ARMH4: variants seen among roughly 807,000 people sequenced by gnomAD.
ARMH4 encodes armadillo-like helical domain-containing protein 4.
ARMH4 carries 49 observed loss-of-function variants against 61.9 expected under a neutral mutation model. The ratio of observed to expected loss-of-function variants is 0.79; its 90% CI spans 0.63 to 1.00. The LOEUF (loss-of-function observed/expected upper bound fraction) is 1.00, where lower values mean the gene tolerates loss of function less well. ARMH4 is among the 50% of genes least tolerant of loss of function. ARMH4 has a pLI of 0.00. For synonymous variants in ARMH4, 368 were observed against 341.5 expected (o/e 1.08, Z -0.85); for missense variants, 934 against 930.0 (o/e 1.00, Z -0.06).
intron 4 of ARMH4, among the ~76,000 whole-genome samples, chr14:58,102,813 G>A (rs1281754761): frequency 2.2e-3 from 161 of 74,558 alleles, no homozygotes; most frequent in Non-Finnish European, 3.0e-3. Context: ...GCGAGACTCC[G>A]TCTCAAAAAA....
chr14:58,093,738 G>A (rs1885652687), intron 5 of ARMH4, among the ~76,000 whole-genome samples: 1 of 152,020 alleles, frequency 6.6e-6, no homozygotes, highest in Admixed American at 6.6e-5. Context: ...GTCCTTCCGA[G>A]AAAAGGTTGG....
At chr14:58,081,065 G>A (rs1045439947) in intron 5 of ARMH4, among the ~76,000 whole-genome samples, 1 of 151,876 alleles carries the variant, frequency 6.6e-6, no homozygotes, top group East Asian at 1.9e-4. Flanking sequence ...TTGTGCCACT[G>A]TACTCCAGCC....
chr14:58,070,659 G>A (rs1165853231), intron 5 of ARMH4, among the ~76,000 whole-genome samples: 1 of 152,192 alleles, frequency 6.6e-6, no homozygotes, highest in Non-Finnish European at 1.5e-5. Flanking sequence ...GCACATTATG[G>A]AGAAGAATGG....
chr14:58,112,325 C>T (rs769668328), intron 4 of ARMH4, among the ~76,000 whole-genome samples: 6 of 140,096 alleles, frequency 4.3e-5, no homozygotes, highest in Admixed American at 6.9e-5. Flanking sequence ...TTCTATTTTC[C>T]CCCACTACTG....
intron 5 of ARMH4, among the ~76,000 whole-genome samples, chr14:58,071,905 G>T (rs899674412): frequency 6.6e-6 from 1 of 152,178 alleles, no homozygotes; most frequent in African/African-American, 2.4e-5. Flanking sequence ...AATGTCGGAT[G>T]GAGTAAAGGA....
chr14:58,009,854 T>G (rs1882331884), intron 6 of ARMH4, among the ~76,000 whole-genome samples: 1 of 148,474 alleles, frequency 6.7e-6, no homozygotes, highest in Non-Finnish European at 1.5e-5. Context: ...ATAACAAACT[T>G]CTATCTTGGC....
intron 5 of ARMH4, among the ~76,000 whole-genome samples, chr14:58,031,771 C>A (rs923748087): frequency 1.3e-5 from 2 of 152,186 alleles, no homozygotes; most frequent in Non-Finnish European, 2.9e-5. Flanking sequence ...AGAAATCAGA[C>A]AAAAGTAACT....
intron 4 of ARMH4, among the ~76,000 whole-genome samples, chr14:58,127,576 C>CCTG (rs1886943439): frequency 6.6e-6 from 1 of 152,136 alleles, no homozygotes. Flanking sequence ...AGGGTTGAGA[C>CCTG]AATATCATGG....
At chr14:58,141,679 C>G in intron 1 of ARMH4, 1 of 346,860 alleles carries the variant, frequency 2.9e-6, no homozygotes, top group Non-Finnish European at 5.5e-6. Flanking sequence ...CTCTTCCTTC[C>G]TTGAAGGGCA....
At chr14:58,107,283 C>T (rs1424108578) in intron 4 of ARMH4, among the ~76,000 whole-genome samples, 1 of 152,138 alleles carries the variant, frequency 6.6e-6, no homozygotes, top group African/African-American at 2.4e-5. Context: ...CACCTGTTCC[C>T]CAACATCTGC....
At chr14:58,023,702 C>A (rs113445374) in intron 5 of ARMH4, among the ~76,000 whole-genome samples, 3 of 152,160 alleles carry the variant, frequency 2.0e-5, no homozygotes, top group Admixed American at 6.5e-5. Flanking sequence ...GAATCATTAT[C>A]TATGGCAGTT....
At chr14:58,133,382 A>C in intron 2 of ARMH4, 41 bp from the exon 3 acceptor site, 1 of 1,315,722 alleles carries the variant, frequency 7.6e-7, no homozygotes. Context: ...CCAAATCCCT[A>C]TTTTTTTAAA....
chr14:58,115,001 C>A (rs955226117), intron 4 of ARMH4, among the ~76,000 whole-genome samples: 1 of 152,062 alleles, frequency 6.6e-6, no homozygotes, highest in African/African-American at 2.4e-5. Context: ...AGAAGAAAAT[C>A]TAGAAAAAAC....
At chr14:58,099,457 T>C (rs977730283) in intron 4 of ARMH4, among the ~76,000 whole-genome samples, 2 of 152,186 alleles carry the variant, frequency 1.3e-5, no homozygotes, top group African/African-American at 2.4e-5. Flanking sequence ...AGTAAGAGAC[T>C]GAGGGTGTCC....
intron 4 of ARMH4, among the ~76,000 whole-genome samples, chr14:58,102,273 G>C (rs954225658): frequency 3.9e-5 from 6 of 152,084 alleles, no homozygotes; most frequent in Non-Finnish European, 8.8e-5. Flanking sequence ...AGGAGTCCCA[G>C]GAGAGAAGAA....
chr14:58,007,295 T>C (rs745871632), intron 6 of ARMH4, among the ~76,000 whole-genome samples: 1 of 152,238 alleles, frequency 6.6e-6, no homozygotes, highest in Non-Finnish European at 1.5e-5. Flanking sequence ...GCATTTCTTA[T>C]TGACACACTT....
intron 5 of ARMH4, among the ~76,000 whole-genome samples, chr14:58,075,192 T>C (rs1380364509): frequency 6.6e-6 from 1 of 152,238 alleles, no homozygotes; most frequent in Non-Finnish European, 1.5e-5. Context: ...TGGAAGACAG[T>C]GTGGTGATTC....
chr14:58,032,559 C>T (rs1250942089), intron 5 of ARMH4, among the ~76,000 whole-genome samples: 1 of 152,058 alleles, frequency 6.6e-6, no homozygotes, highest in African/African-American at 2.4e-5. Flanking sequence ...CCAAGATGGC[C>T]GAATAGGAAC....
chr14:58,074,727 T>C (rs553905939), intron 5 of ARMH4, among the ~76,000 whole-genome samples: 28 of 152,160 alleles, frequency 1.8e-4, no homozygotes, highest in African/African-American at 6.3e-4. Context: ...AGAAGTAACA[T>C]GTAGTAAAAT....
Sources: gnomAD v4.1 joint callset for allele counts (sites outside exome capture counted in the v4.1 genomes callset) on GRCh38, gnomAD v4.1.1 for gene constraint, MANE v1.5 for transcripts, NCBI Gene and HGNC (gene_info 2026-07-23, HGNC 2026-07-21) for gene names.